Variants in ZPBP observed in about 807,000 individuals in gnomAD.
ZPBP encodes the protein zona pellucida binding protein, also known as zona pellucida-binding protein 1.
ZPBP carries 26 observed loss-of-function variants against 44.8 expected under a neutral mutation model. The observed-to-expected ratio is 0.58, with a 90% confidence interval of 0.43 to 0.81. The LOEUF (loss-of-function observed/expected upper bound fraction) is 0.81. Among genes scored for constraint, ZPBP ranks in the 30% least tolerant of loss-of-function variants. The pLI, the probability that ZPBP is intolerant of heterozygous loss-of-function variation, is 0.00. For synonymous variants in ZPBP, 174 were observed against 153.2 expected (o/e 1.14, Z -1.00); for missense variants, 409 against 434.0 (o/e 0.94, Z 0.51).
intron 1 of ZPBP, among the ~76,000 whole-genome samples, chr7:49,903,520 G>A (rs1346094253): frequency 7.9e-5 from 12 of 152,100 alleles, no homozygotes; most frequent in Non-Finnish European, 1.5e-4. Context: ...TTCCACTTAC[G>A]TAGTATTCTT....
intron 2 of ZPBP, among the ~76,000 whole-genome samples, chr7:49,857,369 C>A (rs1287717779): frequency 6.6e-6 from 1 of 152,174 alleles, no homozygotes; most frequent in East Asian, 1.9e-4. Context: ...GGATTTCCTT[C>A]TTTTTTAAGC....
intron 3 of ZPBP, among the ~76,000 whole-genome samples, chr7:50,068,287 C>T (rs1003726030): frequency 6.6e-6 from 1 of 152,162 alleles, no homozygotes; most frequent in Non-Finnish European, 1.5e-5. Flanking sequence ...TCCAAGGCAT[C>T]GTTCTTCTTG....
rs1162743808 is a variant in ZPBP at position 50,093,135 on chromosome 7, G to A, written c.60C>T (p.Gly20=). Residue 20 remains glycine, a synonymous_variant, in exon 1 of 8, where the codon GGC becomes GGT. Coordinates refer to ENST00000046087, the MANE Select transcript of ZPBP (RefSeq NM_007009.3). ...GGATGGCGGCCCGAGAGAGCAGGGA[G>A]CCGGCGGCCCGGGTCCGCCGCCTGC... ...RRGRRRTRAA[G]SLLSRAAILL... is the part of the protein sequence containing the mutation. The A allele has an allele frequency of 1.8e-5, 28 of 1,558,640 alleles. No homozygotes were observed. Among genetic ancestry groups the A allele is most frequent in the Admixed American group, 7.6e-5 (4 of 52,396 alleles).
At chr7:49,872,287 A>G (rs1791190382) in intron 2 of ZPBP, among the ~76,000 whole-genome samples, 1 of 152,116 alleles carries the variant, frequency 6.6e-6, no homozygotes, top group Non-Finnish European at 1.5e-5. Flanking sequence ...GATTTTTGAG[A>G]AAAAAGTTAA....
At chr7:49,996,837 A>G (rs1797869948) in intron 6 of ZPBP, among the ~76,000 whole-genome samples, 1 of 152,194 alleles carries the variant, frequency 6.6e-6, no homozygotes. Flanking sequence ...CATATGTCAG[A>G]CTATGCTGAT....
downstream of ZPBP, among the ~76,000 whole-genome samples, chr7:49,932,599 G>A (rs1214144532): frequency 6.6e-6 from 1 of 152,162 alleles, no homozygotes; most frequent in East Asian, 1.9e-4. Context: ...ATAGGCAGAA[G>A]GGACTTGCCT....
intron 2 of ZPBP, among the ~76,000 whole-genome samples, chr7:50,086,995 AAAG>A (rs1802693999): frequency 2.6e-5 from 4 of 152,222 alleles, no homozygotes; most frequent in African/African-American, 7.2e-5. Flanking sequence ...TTTCTCATAA[AAAG>A]TCATAATGAA....
At chr7:49,967,326 C>T (rs561270282) in intron 7 of ZPBP, among the ~76,000 whole-genome samples, 29 of 152,180 alleles carry the variant, frequency 1.9e-4, no homozygotes, top group African/African-American at 7.0e-4. Context: ...TATGCATATC[C>T]CAATCTTTTA....
rs192657846 is a variant in ZPBP, at chr7:49,970,302, T to C, written c.961+13040A>G. 8.1e-3 allele frequency among the ~76,000 whole-genome samples: 1,234 copies of C among 152,160 alleles called. 9 individuals are homozygous for C. The highest frequency in any genetic ancestry group is 0.031 in the Middle Eastern group (9 of 294). On this transcript the variant is annotated intron_variant, in intron 7 of 7. Transcript: ENST00000046087. ...GAACACTGACAGAATTACTGGGAGA[T>C]AGAGAGTTCTACAGTAACAGTTGGA... is the stretch of plus-strand genomic sequence containing the variant.
intron 1 of ZPBP, among the ~76,000 whole-genome samples, chr7:50,090,971 T>A (rs1189712242): frequency 6.6e-6 from 1 of 152,028 alleles, no homozygotes; most frequent in South Asian, 2.1e-4. Context: ...CACACCAACA[T>A]CTATTTTTTT....
intron 2 of ZPBP, among the ~76,000 whole-genome samples, chr7:49,889,376 C>T (rs187965418): frequency 6.6e-6 from 1 of 152,316 alleles, no homozygotes. Flanking sequence ...ATAATTTAAA[C>T]ATATCATGGC....
At chr7:49,991,618 A>G (rs1390612699) in intron 6 of ZPBP, among the ~76,000 whole-genome samples, 1 of 152,150 alleles carries the variant, frequency 6.6e-6, no homozygotes, top group Non-Finnish European at 1.5e-5. Context: ...CTAGAAAATC[A>G]GGCTCTTCAA....
chr7:50,086,002 T>C (rs550544483), intron 2 of ZPBP, among the ~76,000 whole-genome samples: 15 of 152,228 alleles, frequency 9.9e-5, no homozygotes, highest in African/African-American at 3.6e-4. Flanking sequence ...GCCAACTATC[T>C]GAAAGGTACG....
At chr7:49,947,033 G>T (rs1795129057) in intron 7 of ZPBP, among the ~76,000 whole-genome samples, 1 of 151,908 alleles carries the variant, frequency 6.6e-6, no homozygotes, top group African/African-American at 2.4e-5. Context: ...CAGAACTTCT[G>T]CTTGATGCTT....
At chr7:50,074,247 G>A (rs1178656215) in intron 3 of ZPBP, among the ~76,000 whole-genome samples, 2 of 151,874 alleles carry the variant, frequency 1.3e-5, no homozygotes, top group East Asian at 1.9e-4. Context: ...GCAATTGCAA[G>A]CCTCATGGTA....
At chr7:50,065,125 G>T (rs1431980884) in intron 3 of ZPBP, among the ~76,000 whole-genome samples, 1 of 152,120 alleles carries the variant, frequency 6.6e-6, no homozygotes, top group East Asian at 1.9e-4. Flanking sequence ...TTTGATATTT[G>T]TGTCTATTTT....
chr7:50,068,668 A>C (rs1402138073), intron 3 of ZPBP, among the ~76,000 whole-genome samples: 1 of 151,806 alleles, frequency 6.6e-6, no homozygotes, highest in East Asian at 1.9e-4. Context: ...CAGCCTTCTG[A>C]TCTCGGTTAA....
chr7:49,993,769 G>C (rs1003493247), intron 6 of ZPBP, among the ~76,000 whole-genome samples: 19 of 152,128 alleles, frequency 1.2e-4, no homozygotes, highest in African/African-American at 3.4e-4. Flanking sequence ...AGTCATACAA[G>C]GCTTAGTGAA....
chr7:49,912,515 G>A, intron 1 of ZPBP: 1 of 183,890 alleles, frequency 5.4e-6, no homozygotes, highest in Non-Finnish European at 1.1e-5. Flanking sequence ...TATAGATGCA[G>A]ATTAAAAATG....
Sources: allele counts gnomAD v4.1 joint callset (sites outside exome capture counted in the v4.1 genomes callset), GRCh38; gene constraint gnomAD v4.1.1; transcripts MANE v1.5; gene names NCBI Gene and HGNC (gene_info 2026-07-23, HGNC 2026-07-21).